The following TRAP1 variants were observed in gnomAD, a reference collection of about 807,000 sequenced individuals.
TRAP1 encodes heat shock protein 75 kDa, mitochondrial.
A neutral mutation model predicts 89.1 loss-of-function variants in TRAP1; 102 were observed. The ratio of observed to expected loss-of-function variants is 1.15; its 90% confidence interval spans 0.98 to 1.35. TRAP1 has a LOEUF of 1.35. Ranked by LOEUF, TRAP1 falls within the 40% of genes most tolerant of loss-of-function variation. The pLI is 0.00. For missense variants in TRAP1, 1,256 were observed against 945.3 expected, an observed-to-expected ratio of 1.33 and a Z score of -4.31; for synonymous variants, 508 against 388.0, an observed-to-expected ratio of 1.31 and a Z score of -3.64.
rs750955972 is a variant in TRAP1, at chr16:3,666,081, A to T, written c.1273T>A (p.Phe425Ile). The change falls in exon 12 of 18, where the codon TTC (phenylalanine) becomes ATC (isoleucine). Residue 425 changes from phenylalanine to isoleucine, a missense_variant. Phe to Ile is a conservative substitution (Grantham distance 21). Coordinates refer to ENST00000246957, the MANE Select transcript of TRAP1 (RefSeq NM_016292.3). ...TCTTTTTTACTCTGGTCAATGAAGA[A>T]TTTGATCAGCCTCTGCTGTAAAACG... The part of the protein sequence containing the change: ...RDVLQQRLIK[F>I]FIDQSKKDAE... 8.8e-5 allele frequency: 142 copies of T among 1,614,022 alleles called. No individual in the cohort carries two copies. Among genetic ancestry groups the T allele is most frequent in the Non-Finnish European group, 7.7e-5 (91 of 1,180,020 alleles).
At chr16:3,709,266 A>C (rs2051494471) in intron 1 of TRAP1, among the ~76,000 whole-genome samples, 1 of 151,928 alleles carries the variant, frequency 6.6e-6, no homozygotes, top group African/African-American at 2.4e-5. Flanking sequence ...CCATTGGTTC[A>C]AGAGAAAAAT....
intron 1 of TRAP1, among the ~76,000 whole-genome samples, chr16:3,700,535 C>T (rs575449952): frequency 4.6e-5 from 7 of 152,162 alleles, no homozygotes; most frequent in East Asian, 1.9e-4. Flanking sequence ...GGCACAATCT[C>T]GGCTCACTGC....
chr16:3,669,281 C>G (rs546219559), intron 11 of TRAP1, among the ~76,000 whole-genome samples: 5 of 152,310 alleles, frequency 3.3e-5, no homozygotes, highest in South Asian at 4.1e-4. Context: ...GACCACAGAA[C>G]AGTCGCTGCT....
chr16:3,715,196 T>A (rs566893472), intron 1 of TRAP1, among the ~76,000 whole-genome samples: 1 of 152,308 alleles, frequency 6.6e-6, no homozygotes, highest in South Asian at 2.1e-4. Context: ...CCCAGCACTT[T>A]GGGAGGCCGA....
chr16:3,709,794 G>A (rs1037264327), intron 1 of TRAP1, among the ~76,000 whole-genome samples: 1 of 152,114 alleles, frequency 6.6e-6, no homozygotes, highest in Admixed American at 6.6e-5. Flanking sequence ...GGGATTACAG[G>A]CATGCGCCAC....
intron 4 of TRAP1, 77 bp downstream of exon 4, chr16:3,685,919 G>A (rs201805682): frequency 3.8e-5 from 58 of 1,535,526 alleles, no homozygotes; most frequent in African/African-American, 6.8e-5. Context: ...CCTGGGACCC[G>A]AGACATCACT....
chr16:3,699,974 C>T (rs1192643069), intron 1 of TRAP1, among the ~76,000 whole-genome samples: 2 of 151,484 alleles, frequency 1.3e-5, no homozygotes, highest in African/African-American at 2.4e-5. Context: ...CCACGCCCAG[C>T]CTGTGCTGCT....
chr16:3,690,585 G>C (rs2051200084), intron 2 of TRAP1, among the ~76,000 whole-genome samples: 1 of 152,246 alleles, frequency 6.6e-6, no homozygotes, highest in Non-Finnish European at 1.5e-5. Context: ...TCACCACTCA[G>C]GGGAGGTGCC....
In TRAP1 at chr16:3,703,043, G is replaced by GGAAAA. The variant is rs564433883; in HGVS notation, c.89-12059_89-12058insTTTTC. 2.5e-4 allele frequency among the ~76,000 whole-genome samples: 11 copies of GGAAAA among 43,512 alleles called. 1 individual carries two copies. The highest frequency in any genetic ancestry group is 2.2e-4 in the Non-Finnish European group (5 of 23,242). The allele number at this position is 43,512 out of a possible 152,430, so 28.5% of individuals were successfully genotyped here. A position where few individuals can be genotyped will look rare whatever the true frequency, so the allele number is the denominator to read the frequency against. On this transcript the variant is annotated intron_variant, in intron 1 of 17. Transcript: ENST00000246957. Reference sequence around the variant, plus strand: ...GAGAACAAGAGTGAAACTCCGTCTTGAAAAAAAAAAAAAAAAAAAAAAAGC... The same window carrying GGAAAA: ...GAGAACAAGAGTGAAACTCCGTCTTGGAAAAAAAAAAAAAAAAAAAAAAAAAAAGC...
At chr16:3,699,629 CAAAAAAAAA>C (rs35602361) in intron 1 of TRAP1, among the ~76,000 whole-genome samples, 1 of 72,056 alleles carries the variant, frequency 1.4e-5, no homozygotes, top group African/African-American at 5.1e-5. Flanking sequence ...AACTCCGTCT[CAAAAAAAAA>C]AAAAAAAAAA....
rs769347750 is a variant in TRAP1, at chr16:3,658,156, C to T, written c.2088G>A (p.Leu696=). 2.7e-5 allele frequency: 44 copies of T among 1,613,986 alleles called. No homozygotes were observed. In the South Asian group the frequency reaches 4.4e-4, roughly 16 times the overall value. Residue 696 remains leucine, a synonymous_variant, in exon 18 of 18, where the codon CTG becomes CTA. Transcript: ENST00000246957. ...PRAMVGRLNE[L]LVKALERH is the part of the protein sequence containing the mutation. Reference sequence around the variant, plus strand: ...AGTGTCGCTCCAGGGCCTTGACAAGCAGCTCATTCAAGCGGCCCACCATGG... The same window carrying T: ...AGTGTCGCTCCAGGGCCTTGACAAGTAGCTCATTCAAGCGGCCCACCATGG...
intron 1 of TRAP1, among the ~76,000 whole-genome samples, chr16:3,698,404 G>A (rs556675101): frequency 2.6e-5 from 4 of 151,148 alleles, no homozygotes; most frequent in Admixed American, 2.6e-4. Context: ...TCCGCCTCCC[G>A]GATTCATGCC....
At chr16:3,715,576 A>G (rs922857017) in intron 1 of TRAP1, among the ~76,000 whole-genome samples, 1 of 152,260 alleles carries the variant, frequency 6.6e-6, no homozygotes, top group African/African-American at 2.4e-5. Context: ...GCGAGACCAC[A>G]AACGACAAAG....
chr16:3,694,132 A>G (rs1011510558), intron 1 of TRAP1, among the ~76,000 whole-genome samples: 1 of 151,884 alleles, frequency 6.6e-6, no homozygotes, highest in Non-Finnish European at 1.5e-5. Context: ...CATGCTTTGC[A>G]GACCCTCCAG....
At chr16:3,664,883 C>G (rs980897552) in intron 12 of TRAP1, 1 of 168,646 alleles carries the variant, frequency 5.9e-6, no homozygotes, top group Non-Finnish European at 1.3e-5. Flanking sequence ...ACTGGCTTTG[C>G]CCAGTGGGTT....
In TRAP1 at chr16:3,676,016, G is replaced by C. The variant is rs760600949; in HGVS notation, c.814+20C>G. The C allele has an allele frequency of 3.1e-6, 5 of 1,601,690 alleles. No individual in the cohort carries two copies. The highest frequency in any genetic ancestry group is 3.4e-6 in the Non-Finnish European group (4 of 1,172,356). Reference sequence around the variant, plus strand: ...CACACATGGATCCCAGAGTGAGCCTGGGCCCGGGCTCCCGCTCACCTCGCA... The same window carrying C: ...CACACATGGATCCCAGAGTGAGCCTCGGCCCGGGCTCCCGCTCACCTCGCA... On this transcript the variant is annotated intron_variant, in intron 7 of 17. Transcript: ENST00000246957.
Position 3,677,573 on chromosome 16 carries a change from A to G in TRAP1, c.629T>C (p.Met210Thr), listed in dbSNP as rs540672961. The G allele has an allele frequency of 3.7e-4, 592 of 1,614,172 alleles. 5 individuals carry two copies. In the South Asian group the frequency reaches 6.2e-3, roughly 17 times the overall value. The change falls in exon 6 of 18, where the codon ATG (methionine) becomes ACG (threonine). Residue 210 changes from methionine (M) to threonine (T), a missense_variant. Coordinates refer to ENST00000246957, the MANE Select transcript of TRAP1 (RefSeq NM_016292.3). ...ATAGACCTCCACTCTGTCAGCCACC[A>G]TGAAAGCTGAGTAGAAACCCACTCC... ...QFGVGFYSAF[M>T]VADRVEVYSR...
intron 1 of TRAP1, among the ~76,000 whole-genome samples, chr16:3,706,561 G>T (rs918855255): frequency 6.7e-6 from 1 of 150,158 alleles, no homozygotes; most frequent in Non-Finnish European, 1.5e-5. Flanking sequence ...CTGGGCTCGA[G>T]CAATTCTCCC....
intron 11 of TRAP1, among the ~76,000 whole-genome samples, chr16:3,670,625 G>A (rs2050900862): frequency 6.6e-6 from 1 of 152,106 alleles, no homozygotes; most frequent in Non-Finnish European, 1.5e-5. Flanking sequence ...GATTGCTTGA[G>A]CCCAAGAGGT....
Sources: gnomAD v4.1 joint callset for allele counts (sites outside exome capture counted in the v4.1 genomes callset) on GRCh38, gnomAD v4.1.1 for gene constraint, MANE v1.5 for transcripts, NCBI Gene and HGNC (gene_info 2026-07-23, HGNC 2026-07-21) for gene names.